Variants in EPHA4 observed in about 807,000 individuals in gnomAD.
The protein encoded by EPHA4 is EPH receptor A4, also known as ephrin type-A receptor 4.
A neutral mutation model predicts 108.3 loss-of-function variants in EPHA4; 19 were observed. The ratio of observed to expected loss-of-function variants is 0.18; its 90% CI spans 0.12 to 0.26. The LOEUF is 0.26. Ranked by LOEUF, EPHA4 falls within the 10% of genes least tolerant of loss-of-function variation. EPHA4 has a pLI of 1.00. For missense variants in EPHA4, 917 were observed against 1,254.0 expected, an observed-to-expected ratio of 0.73 and a Z score of 4.06; for synonymous variants, 449 against 455.5, an observed-to-expected ratio of 0.99 and a Z score of 0.18.
intron 5 of EPHA4, among the ~76,000 whole-genome samples, chr2:221,470,879 A>G (rs1691464521): frequency 6.6e-6 from 1 of 152,162 alleles, no homozygotes; most frequent in Non-Finnish European, 1.5e-5. Flanking sequence ...TCTTTTTGAC[A>G]ATTTTCTCAA....
At chr2:221,564,537 A>AG in intron 2 of EPHA4, 143 bp from the exon 3 acceptor site, 1 of 798,992 alleles carries the variant, frequency 1.3e-6, no homozygotes, top group Admixed American at 2.6e-5. Context: ...TCACTAATAA[A>AG]GGATCTTATG....
chr2:221,502,326 A>G (rs535944512), intron 3 of EPHA4, among the ~76,000 whole-genome samples: 1 of 152,328 alleles, frequency 6.6e-6, no homozygotes, highest in South Asian at 2.1e-4. Context: ...AAGTTATTTC[A>G]TAACACCAGA....
At chr2:221,493,213 G>T (rs1334560328) in intron 4 of EPHA4, among the ~76,000 whole-genome samples, 2 of 152,094 alleles carry the variant, frequency 1.3e-5, no homozygotes, top group African/African-American at 2.4e-5. Context: ...AAAGCAAAAA[G>T]AAATATGCTT....
chr2:221,527,281 G>A (rs1186869768), intron 3 of EPHA4, among the ~76,000 whole-genome samples: 4 of 152,186 alleles, frequency 2.6e-5, no homozygotes, highest in Admixed American at 2.6e-4. Context: ...GGCCTCTTCA[G>A]AATGACAAGT....
intron 3 of EPHA4, among the ~76,000 whole-genome samples, chr2:221,562,714 T>A (rs574918604): frequency 1.3e-5 from 2 of 152,286 alleles, no homozygotes; most frequent in East Asian, 3.9e-4. Context: ...AAAACAAGTA[T>A]CAAGCAAGAC....
intron 14 of EPHA4, among the ~76,000 whole-genome samples, chr2:221,430,880 T>A (rs1213279979): frequency 1.3e-5 from 2 of 152,192 alleles, no homozygotes; most frequent in African/African-American, 2.4e-5. Context: ...AAGAAGGAAG[T>A]TATAATGGTA....
Position 221,433,046 on chromosome 2 carries a change from G to A in EPHA4, c.2496+1096C>T, listed in dbSNP as rs975307678. ...TCACCATGTTGCTCAGGCTGGTCTC[G>A]AACTCCTGACCTTGTGATCCACCCG... On this transcript the variant is annotated intron_variant, in intron 14 of 17. Coordinates refer to ENST00000281821, the MANE Select transcript of EPHA4 (RefSeq NM_004438.5). Among the ~76,000 whole-genome samples the A allele has an allele frequency of 8.6e-5, 13 of 151,734 alleles. No individual in the cohort carries two copies. In the East Asian group the frequency reaches 1.8e-3, roughly 20 times the overall value.
intron 3 of EPHA4, chr2:221,502,384 C>A: frequency 5.3e-6 from 2 of 375,116 alleles, no homozygotes; most frequent in Non-Finnish European, 5.4e-6. Context: ...CAGCATGATT[C>A]ACTCTCGTTT....
chr2:221,485,812 C>A (rs1204380935), intron 4 of EPHA4, among the ~76,000 whole-genome samples: 1 of 151,652 alleles, frequency 6.6e-6, no homozygotes, highest in Admixed American at 6.6e-5. Context: ...CATTGAGAAA[C>A]AAATATGGGC....
At chr2:221,551,286 C>T (rs1694152049) in intron 3 of EPHA4, among the ~76,000 whole-genome samples, 1 of 152,072 alleles carries the variant, frequency 6.6e-6, no homozygotes, top group Admixed American at 6.5e-5. Flanking sequence ...AATAGCTTTC[C>T]TGTAGATCAG....
intron 3 of EPHA4, among the ~76,000 whole-genome samples, chr2:221,522,967 G>C (rs2106175827): frequency 6.6e-6 from 1 of 152,060 alleles, no homozygotes; most frequent in East Asian, 1.9e-4. Context: ...CGCCAGGCTG[G>C]TCTCGAATTG....
chr2:221,426,348 G>A (rs1689909719), intron 16 of EPHA4, 116 bp downstream of exon 16: 3 of 1,260,488 alleles, frequency 2.4e-6, no homozygotes, highest in African/African-American at 1.5e-5. Flanking sequence ...CAATCAAAAT[G>A]AGAGGCATTC....
At chr2:221,556,515 T>C (rs1430011773) in intron 3 of EPHA4, among the ~76,000 whole-genome samples, 1 of 151,232 alleles carries the variant, frequency 6.6e-6, no homozygotes, top group Admixed American at 6.6e-5. Flanking sequence ...TTTCAACATA[T>C]TGGTCTTAAA....
At chr2:221,572,365 A>G (rs548220678), upstream of EPHA4, 10 of 876,716 alleles carry the variant, frequency 1.1e-5, no homozygotes, top group East Asian at 1.1e-4. Flanking sequence ...CGGTGACGTG[A>G]GCCCGCCAGT....
In EPHA4 at chr2:221,482,657, T is replaced by C; in HGVS notation, c.1013A>G (p.Asn338Ser). The change falls in exon 5 of 18, where the codon AAT becomes AGT. Residue 338 changes from asparagine to serine, a missense_variant. Physicochemically the swap from Asn to Ser is conservative, Grantham distance 46. This residue lies in a region of EPHA4 where 758 missense variants were observed against 1,076.7 expected (regional missense o/e 0.70). Transcript: ENST00000281821. ...CAAGTTCACAGATGTCTCGTTGACA[T>C]TTGAAATCAAGTTCAGGGGAGCAGA... ...PPSAPLNLIS[N>S]VNETSVNLEW... 6.2e-7 allele frequency: 1 copy of C among 1,601,450 alleles called. No individual in the cohort carries two copies. Among genetic ancestry groups the C allele is most frequent in the Non-Finnish European group, 8.6e-7 (1 of 1,169,386 alleles).
chr2:221,558,805 A>G (rs576763505), intron 3 of EPHA4, among the ~76,000 whole-genome samples: 2 of 152,186 alleles, frequency 1.3e-5, no homozygotes, highest in Non-Finnish European at 2.9e-5. Context: ...CTGCTCTCTT[A>G]TAGATAAAGA....
intron 2 of EPHA4, among the ~76,000 whole-genome samples, chr2:221,568,516 CT>C (rs1259872705): frequency 6.6e-6 from 1 of 152,184 alleles, no homozygotes; most frequent in Non-Finnish European, 1.5e-5. Context: ...CCTTTCTGCC[CT>C]TTTGGTTTCT....
intron 3 of EPHA4, among the ~76,000 whole-genome samples, chr2:221,537,679 A>T (rs1378226985): frequency 6.6e-6 from 1 of 152,216 alleles, no homozygotes; most frequent in Admixed American, 6.5e-5. Context: ...AGCCCTAGCT[A>T]CTCAGGAGGC....
intron 4 of EPHA4, among the ~76,000 whole-genome samples, chr2:221,491,729 T>A (rs1359967036): frequency 6.6e-6 from 1 of 152,110 alleles, no homozygotes; most frequent in Admixed American, 6.5e-5. Flanking sequence ...TCCTACCTTC[T>A]GTGCAAGAGA....
Sources: allele counts gnomAD v4.1 joint callset (sites outside exome capture counted in the v4.1 genomes callset), GRCh38; gene constraint gnomAD v4.1.1; regional missense constraint gnomAD v4.1.1; transcripts MANE v1.5; gene names NCBI Gene and HGNC (gene_info 2026-07-23, HGNC 2026-07-21).